The following MEIKIN variants were observed in gnomAD, a reference collection of about 807,000 sequenced individuals.
MEIKIN encodes meiosis-specific kinetochore protein.
chr5:131,889,785 G>C (rs1203807649), intron 8 of MEIKIN, among the ~76,000 whole-genome samples: 1 of 152,170 alleles, frequency 6.6e-6, no homozygotes, highest in Non-Finnish European at 1.5e-5. Context: ...TCTTTGGCTT[G>C]TGCCAGTTTT....
At chr5:131,858,233 A>G (rs1750229318) in intron 9 of MEIKIN, among the ~76,000 whole-genome samples, 1 of 152,172 alleles carries the variant, frequency 6.6e-6, no homozygotes, top group Admixed American at 6.5e-5. Context: ...AACAAACTTA[A>G]CAGACACATA....
intron 11 of MEIKIN, among the ~76,000 whole-genome samples, chr5:131,850,309 T>C (rs559686373): frequency 2.2e-4 from 34 of 152,296 alleles, no homozygotes; most frequent in African/African-American, 8.2e-4. Flanking sequence ...CCAATGATGT[T>C]TATTGCAGAA....
Position 131,914,406 on chromosome 5 carries a change from A to G in MEIKIN, c.638+2480T>C, listed in dbSNP as rs560141476. On this transcript the variant is annotated intron_variant, in intron 7 of 12. Transcript: ENST00000442687. ...CTCAAAAAAAAAAAAAAAGAAAGAA[A>G]GAAAGGAAAGAAGGAAGGAAGGAAG... Among the ~76,000 whole-genome samples, 188 of 149,792 alleles carry G rather than the reference A, an allele frequency of 1.3e-3. 1 individual carries two copies. Among genetic ancestry groups the G allele is most frequent in the African/African-American group, 4.4e-3 (179 of 40,802 alleles).
chr5:131,809,398 G>A (rs1184527208), intron 12 of MEIKIN, among the ~76,000 whole-genome samples: 1 of 152,198 alleles, frequency 6.6e-6, no homozygotes, highest in East Asian at 1.9e-4. Flanking sequence ...CAATGGTTCT[G>A]TGTCAAAGAC....
intron 12 of MEIKIN, among the ~76,000 whole-genome samples, chr5:131,816,185 T>A (rs1310925179): frequency 7.2e-5 from 11 of 152,172 alleles, no homozygotes. Flanking sequence ...TATCTGGAGA[T>A]TAAATTATGG....
At chr5:131,916,285 A>C (rs1751414875) in intron 7 of MEIKIN, among the ~76,000 whole-genome samples, 1 of 152,230 alleles carries the variant, frequency 6.6e-6, no homozygotes, top group Non-Finnish European at 1.5e-5. Context: ...CCAAAAAAAC[A>C]GCTAACAGAT....
At chr5:131,904,488 T>C (rs936367425) in intron 8 of MEIKIN, among the ~76,000 whole-genome samples, 1 of 152,120 alleles carries the variant, frequency 6.6e-6, no homozygotes, top group African/African-American at 2.4e-5. Flanking sequence ...GCAATAAAAA[T>C]AGAAATAACT....
chr5:131,847,571 T>C (rs899575471), intron 11 of MEIKIN, among the ~76,000 whole-genome samples: 3 of 151,704 alleles, frequency 2.0e-5, no homozygotes, highest in Non-Finnish European at 2.9e-5. Context: ...AAGGGAAAAA[T>C]AGACAGTTCT....
intron 12 of MEIKIN, among the ~76,000 whole-genome samples, chr5:131,811,701 G>T (rs185626129): frequency 8.4e-4 from 128 of 152,196 alleles, no homozygotes; most frequent in African/African-American, 3.0e-3. Flanking sequence ...CTGCCTCCCG[G>T]GTTCATGCCA....
intron 8 of MEIKIN, among the ~76,000 whole-genome samples, chr5:131,882,113 C>G (rs768293859): frequency 9.2e-5 from 14 of 152,144 alleles, no homozygotes; most frequent in Non-Finnish European, 1.2e-4. Context: ...ATCACAAATT[C>G]CTGGTATATC....
chr5:131,838,781 A>G (rs1172141205), intron 11 of MEIKIN, among the ~76,000 whole-genome samples: 1 of 148,370 alleles, frequency 6.7e-6, no homozygotes, highest in Non-Finnish European at 1.5e-5. Context: ...TATGCATTGT[A>G]TTTTTTTTTT....
intron 11 of MEIKIN, among the ~76,000 whole-genome samples, chr5:131,823,493 T>G (rs564879755): frequency 6.6e-6 from 1 of 152,064 alleles, no homozygotes; most frequent in African/African-American, 2.4e-5. Flanking sequence ...TTCTTAAGTA[T>G]GCCAAATTGC....
chr5:131,830,540 A>G (rs559068363), intron 11 of MEIKIN, among the ~76,000 whole-genome samples: 4 of 152,356 alleles, frequency 2.6e-5, no homozygotes, highest in Admixed American at 1.3e-4. Context: ...AAAGAAAAAT[A>G]TCTGCTCAGC....
chr5:131,837,401 T>C (rs1749828225), intron 11 of MEIKIN, among the ~76,000 whole-genome samples: 2 of 152,142 alleles, frequency 1.3e-5, no homozygotes, highest in African/African-American at 2.4e-5. Context: ...AAGAATACCA[T>C]TGGCACTTTG....
At position 131,872,130 on chromosome 5, in the gene MEIKIN, G is replaced by T. The variant is rs545693452; in HGVS notation, c.774+6848C>A. ...AGGAATGCAGCTCCTCACCAGCAAC[G>T]GAACAAAGCTGGACGGAGAATGACT... On this transcript the variant is annotated intron_variant, in intron 9 of 12. Coordinates refer to ENST00000442687, the MANE Select transcript of MEIKIN (RefSeq NM_001303622.2). 7.3e-4 allele frequency among the ~76,000 whole-genome samples: 111 copies of T among 152,246 alleles called. 1 individual carries two copies. Among genetic ancestry groups the T allele is most frequent in the Non-Finnish European group, 1.1e-3 (73 of 68,024 alleles).
chr5:131,877,525 C>A (rs1031842348), intron 9 of MEIKIN, among the ~76,000 whole-genome samples: 2 of 152,040 alleles, frequency 1.3e-5, no homozygotes, highest in African/African-American at 2.4e-5. Context: ...TGCCTGTAGT[C>A]CCAGCTACTA....
intron 4 of MEIKIN, among the ~76,000 whole-genome samples, chr5:131,940,521 T>C (rs1165755346): frequency 1.3e-5 from 2 of 152,236 alleles, no homozygotes; most frequent in Non-Finnish European, 2.9e-5. Context: ...GTTAGTTCTG[T>C]TTGTTTCATT....
At chr5:131,945,097 C>T in intron 2 of MEIKIN, 59 bp downstream of exon 2, 2 of 399,066 alleles carry the variant, frequency 5.0e-6, no homozygotes, top group Non-Finnish European at 4.4e-6. Flanking sequence ...GCAGAAAATT[C>T]GGCTTGAAGT....
chr5:131,860,380 G>A (rs1750263084), intron 9 of MEIKIN, among the ~76,000 whole-genome samples: 1 of 138,928 alleles, frequency 7.2e-6, no homozygotes, highest in Admixed American at 7.7e-5. Flanking sequence ...GTATAGAAAT[G>A]CTGATTTTTG....
Sources: allele counts gnomAD v4.1 joint callset (sites outside exome capture counted in the v4.1 genomes callset), GRCh38; gene constraint gnomAD v4.1.1; transcripts MANE v1.5; gene names NCBI Gene and HGNC (gene_info 2026-07-23, HGNC 2026-07-21).